Variants in CHRM5 observed in about 807,000 individuals in gnomAD.
CHRM5 encodes muscarinic acetylcholine receptor M5.
In CHRM5, 18 loss-of-function variants were observed where a neutral mutation model predicts 39.0. The ratio of observed to expected loss-of-function variants is 0.46; its 90% CI spans 0.32 to 0.68. CHRM5 has a LOEUF of 0.68. Ranked by LOEUF, CHRM5 falls within the 30% of genes least tolerant of loss-of-function variation. The pLI, the probability that CHRM5 is intolerant of heterozygous loss-of-function variation, is 0.04. For missense variants in CHRM5, 515 were observed against 651.1 expected, an observed-to-expected ratio of 0.79 and a Z score of 2.28; for synonymous variants, 241 against 246.3, an observed-to-expected ratio of 0.98 and a Z score of 0.20.
intron 1 of CHRM5, among the ~76,000 whole-genome samples, chr15:33,981,512 A>C (rs1281722514): frequency 5.9e-5 from 9 of 152,178 alleles, no homozygotes; most frequent in Admixed American, 1.3e-4. Flanking sequence ...AAGGGGAGGA[A>C]ACACAAGTTT....
chr15:34,026,746 A>G (rs1376794596), intron 1 of CHRM5, among the ~76,000 whole-genome samples: 1 of 152,184 alleles, frequency 6.6e-6, no homozygotes, highest in African/African-American at 2.4e-5. Context: ...TGATATGGAT[A>G]TGTGATCAAT....
chr15:34,038,057 T>G (rs1442198371), intron 1 of CHRM5, among the ~76,000 whole-genome samples: 1 of 152,154 alleles, frequency 6.6e-6, no homozygotes, highest in Admixed American at 6.6e-5. Context: ...AAAAACTTCC[T>G]TCTATGAATG....
At chr15:34,021,264 A>C (rs1055277431) in intron 1 of CHRM5, among the ~76,000 whole-genome samples, 11 of 150,190 alleles carry the variant, frequency 7.3e-5, no homozygotes, top group African/African-American at 1.2e-4. Flanking sequence ...ACACCACCCC[A>C]CTCAGCTAAA....
chr15:34,006,002 C>A (rs1897320593), intron 1 of CHRM5, among the ~76,000 whole-genome samples: 1 of 152,042 alleles, frequency 6.6e-6, no homozygotes, highest in South Asian at 2.1e-4. Flanking sequence ...ATAACAAATA[C>A]CAGGAACATT....
chr15:33,983,521 C>T (rs923108915), intron 1 of CHRM5, among the ~76,000 whole-genome samples: 3 of 151,958 alleles, frequency 2.0e-5, no homozygotes, highest in Non-Finnish European at 4.4e-5. Context: ...ATAACTTGAC[C>T]TCTTGTCCAA....
At chr15:34,051,557 G>C (rs531184218) in intron 2 of CHRM5, among the ~76,000 whole-genome samples, 1 of 152,012 alleles carries the variant, frequency 6.6e-6, no homozygotes, top group Non-Finnish European at 1.5e-5. Context: ...CTAGGAGCTG[G>C]TTTTTTGAAA....
chr15:34,033,600 TAG>T (rs1265397075), intron 1 of CHRM5, among the ~76,000 whole-genome samples: 2 of 152,118 alleles, frequency 1.3e-5, no homozygotes, highest in African/African-American at 4.8e-5. Context: ...CCCAAGCCTG[TAG>T]AGTTATATAA....
intron 1 of CHRM5, among the ~76,000 whole-genome samples, chr15:33,976,883 T>A (rs1371155206): frequency 6.6e-6 from 1 of 152,100 alleles, no homozygotes; most frequent in African/African-American, 2.4e-5. Context: ...TTTCTTCCCA[T>A]CCCTGAGTCA....
At chr15:34,011,300 A>T (rs551801227) in intron 1 of CHRM5, among the ~76,000 whole-genome samples, 1 of 152,364 alleles carries the variant, frequency 6.6e-6, no homozygotes, top group Non-Finnish European at 1.5e-5. Context: ...AAAACATTGA[A>T]TAAAAAAGGA....
chr15:34,032,023 GCA>G (rs10643932), intron 1 of CHRM5, among the ~76,000 whole-genome samples: 12 of 149,010 alleles, frequency 8.1e-5, no homozygotes, highest in East Asian at 2.0e-4. Context: ...GCGCGCACAC[GCA>G]CACACACACA....
At chr15:33,983,430 A>G (rs1414814066) in intron 1 of CHRM5, among the ~76,000 whole-genome samples, 2 of 152,000 alleles carry the variant, frequency 1.3e-5, no homozygotes, top group Non-Finnish European at 2.9e-5. Flanking sequence ...CAGAAGGGTC[A>G]ATGACACAAG....
intron 1 of CHRM5, among the ~76,000 whole-genome samples, chr15:34,005,294 C>T (rs7178075): frequency 0.15 from 23,517 of 152,052 alleles, 2,263 homozygotes; most frequent in Middle Eastern, 0.28. Context: ...AGACAGTATC[C>T]AATCCAGGAC....
At chr15:34,023,605 A>G (rs1189978180) in intron 1 of CHRM5, among the ~76,000 whole-genome samples, 1 of 152,100 alleles carries the variant, frequency 6.6e-6, no homozygotes, top group Non-Finnish European at 1.5e-5. Flanking sequence ...GACTCTAACA[A>G]AAGATGGAAG....
intron 1 of CHRM5, among the ~76,000 whole-genome samples, chr15:34,007,235 T>C (rs1162308929): frequency 6.6e-6 from 1 of 152,212 alleles, no homozygotes; most frequent in Non-Finnish European, 1.5e-5. Flanking sequence ...TTTTGCAGCT[T>C]TTCCAATAGG....
At chr15:34,002,656 A>G (rs1283228638) in intron 1 of CHRM5, among the ~76,000 whole-genome samples, 1 of 152,252 alleles carries the variant, frequency 6.6e-6, no homozygotes, top group Non-Finnish European at 1.5e-5. Flanking sequence ...GAAAAAAAAG[A>G]GAACATATAT....
intron 1 of CHRM5, among the ~76,000 whole-genome samples, chr15:34,036,941 C>T (rs768705609): frequency 3.3e-5 from 5 of 152,040 alleles, no homozygotes; most frequent in Non-Finnish European, 5.9e-5. Flanking sequence ...GAAACCCCAT[C>T]TCTATTAAAA....
At chr15:33,969,550 AT>A (rs1895537726) in intron 1 of CHRM5, among the ~76,000 whole-genome samples, 1 of 152,042 alleles carries the variant, frequency 6.6e-6, no homozygotes. Flanking sequence ...ATTAATAAGC[AT>A]TTTAAATATT....
intron 1 of CHRM5, among the ~76,000 whole-genome samples, chr15:33,999,800 C>G (rs1291774919): frequency 6.6e-6 from 1 of 152,210 alleles, no homozygotes; most frequent in Non-Finnish European, 1.5e-5. Flanking sequence ...CCGCTCCCCT[C>G]TTGCCAGTCT....
intron 1 of CHRM5, among the ~76,000 whole-genome samples, chr15:34,026,763 T>C (rs2684933): frequency 0.27 from 41,046 of 151,974 alleles, 7,219 homozygotes; most frequent in African/African-American, 0.48. Context: ...CAATTCCAAA[T>C]TGACAGTTTC....
Sources: allele counts gnomAD v4.1 joint callset (sites outside exome capture counted in the v4.1 genomes callset), GRCh38; gene constraint gnomAD v4.1.1; transcripts MANE v1.5; gene names NCBI Gene and HGNC (gene_info 2026-07-23, HGNC 2026-07-21).